Variants in GRID2 observed in about 807,000 individuals in gnomAD.
GRID2 encodes the protein glutamate receptor ionotropic, delta-2.
A neutral mutation model predicts 114.8 loss-of-function variants in GRID2; 33 were observed. The ratio of observed to expected loss-of-function variants is 0.29; its 90% CI spans 0.22 to 0.38. The LOEUF (loss-of-function observed/expected upper bound fraction) is 0.38, where lower values mean the gene tolerates loss of function less well. Ranked by LOEUF, GRID2 falls within the 10% of genes least tolerant of loss-of-function variation. The probability of loss-of-function intolerance (pLI) is 1.00; values close to 1 mark genes in which losing one functional copy is unlikely to be tolerated. For missense variants in GRID2, 1,184 were observed against 1,257.7 expected, an observed-to-expected ratio of 0.94 and a Z score of 0.89; for synonymous variants, 505 against 449.9, an observed-to-expected ratio of 1.12 and a Z score of -1.55.
intron 1 of GRID2, among the ~76,000 whole-genome samples, chr4:92,320,834 T>A (rs1221528446): frequency 6.6e-6 from 1 of 152,186 alleles, no homozygotes; most frequent in African/African-American, 2.4e-5. Context: ...TTTTTTACTA[T>A]AAGTGTACAT....
At chr4:93,227,606 A>T (rs1745643627) in intron 7 of GRID2, among the ~76,000 whole-genome samples, 1 of 152,158 alleles carries the variant, frequency 6.6e-6, no homozygotes, top group Admixed American at 6.6e-5. Flanking sequence ...TTTAATATAA[A>T]ATCTATCTTT....
At chr4:93,016,028 TG>T (rs1429437540) in intron 2 of GRID2, among the ~76,000 whole-genome samples, 22 of 148,974 alleles carry the variant, frequency 1.5e-4, no homozygotes, top group Non-Finnish European at 2.8e-4. Flanking sequence ...TAAGATAATG[TG>T]TTTTTTTTTG....
rs766470483 is a variant in GRID2 at position 92,590,159 on chromosome 4, G to T, written c.117G>T (p.Lys39Asn). 4.3e-6 allele frequency: 7 copies of T among 1,612,234 alleles called. No homozygotes were observed. In the South Asian group the frequency reaches 5.5e-5, roughly 13 times the overall value. The change falls in exon 2 of 16, where the codon AAG becomes AAT. Residue 39 changes from lysine to asparagine, a missense_variant. By Grantham distance (94) the Lys-to-Asn change is moderately conservative (BLOSUM62 0). This residue lies in a region of GRID2 where 455 missense variants were observed against 429.5 expected (regional missense o/e 1.06). Coordinates refer to ENST00000282020, the MANE Select transcript of GRID2 (RefSeq NM_001510.4). ...IGAIFDESAK[K>N]DDEVFRTAVG... ...CAATTTTTGATGAATCTGCCAAAAA[G>T]GATGATGAGGTATTTCGCACTGCGG...
At chr4:92,987,457 G>C (rs1162479084) in intron 2 of GRID2, among the ~76,000 whole-genome samples, 1 of 152,096 alleles carries the variant, frequency 6.6e-6, no homozygotes, top group Non-Finnish European at 1.5e-5. Flanking sequence ...TGGGAGGAGG[G>C]GAGAGGGATA....
At position 92,961,354 on chromosome 4, in the gene GRID2, G is replaced by T. The variant is rs951893513; in HGVS notation, c.245-123641G>T. Among the ~76,000 whole-genome samples, 4 of 149,576 alleles carry T rather than the reference G, an allele frequency of 2.7e-5. No homozygotes were observed. In the Admixed American group the frequency reaches 2.7e-4, roughly 10 times the overall value. Reference sequence around the variant, plus strand: ...TCTTTTGGGGTTTCTTGCAGGGAGGGTCTGCTGACAACACATCCCCTCAAA... The same window carrying T: ...TCTTTTGGGGTTTCTTGCAGGGAGGTTCTGCTGACAACACATCCCCTCAAA... On this transcript the variant is annotated intron_variant, in intron 2 of 15. Transcript: ENST00000282020.
intron 1 of GRID2, among the ~76,000 whole-genome samples, chr4:92,486,229 T>C (rs968622265): frequency 5.3e-4 from 81 of 151,750 alleles, no homozygotes; most frequent in African/African-American, 1.9e-3. Context: ...TGACCGGTAA[T>C]CACCTTTATC....
At chr4:92,812,987 C>T (rs2149380353) in intron 2 of GRID2, among the ~76,000 whole-genome samples, 1 of 152,218 alleles carries the variant, frequency 6.6e-6, no homozygotes, top group African/African-American at 2.4e-5. Context: ...GGACTCAATT[C>T]TGTTCCTCTG....
intron 1 of GRID2, among the ~76,000 whole-genome samples, chr4:92,469,968 T>C (rs1579420374): frequency 6.6e-6 from 1 of 151,944 alleles, no homozygotes; most frequent in Non-Finnish European, 1.5e-5. Context: ...AAGGAGGTAA[T>C]GATTTCTTGT....
At chr4:93,033,031 G>T (rs1047277894) in intron 2 of GRID2, among the ~76,000 whole-genome samples, 1 of 152,164 alleles carries the variant, frequency 6.6e-6, no homozygotes, top group Non-Finnish European at 1.5e-5. Flanking sequence ...AAGTAACACA[G>T]ATTTTTGTGT....
chr4:93,246,367 C>T (rs1748202168), intron 8 of GRID2, among the ~76,000 whole-genome samples: 1 of 152,018 alleles, frequency 6.6e-6, no homozygotes, highest in Non-Finnish European at 1.5e-5. Context: ...GCAGGTGGAT[C>T]ACGAGGTCAG....
intron 13 of GRID2, among the ~76,000 whole-genome samples, chr4:93,545,618 C>A (rs1440603303): frequency 1.3e-5 from 2 of 152,080 alleles, no homozygotes; most frequent in Non-Finnish European, 2.9e-5. Flanking sequence ...TCCATGGGAG[C>A]CGATTCTAGG....
chr4:93,559,136 C>G (rs1048308452), intron 13 of GRID2, among the ~76,000 whole-genome samples: 1 of 151,670 alleles, frequency 6.6e-6, no homozygotes. Flanking sequence ...TATGACCAAC[C>G]CATAAAACCT....
rs529868998 is a variant in GRID2, at chr4:93,061,349, A to G, written c.245-23646A>G. On this transcript the variant is annotated intron_variant, in intron 2 of 15. Transcript: ENST00000282020. ...GGCTTCACATGTCTCTTATTTGGGG[A>G]CCAGCGGCTAGATAGAACATGCTTT... 6.2e-4 allele frequency among the ~76,000 whole-genome samples: 94 copies of G among 151,752 alleles called. 1 individual carries two copies. Among genetic ancestry groups the G allele is most frequent in the African/African-American group, 2.1e-3 (89 of 41,432 alleles).
chr4:92,886,476 A>T (rs564458964), intron 2 of GRID2, among the ~76,000 whole-genome samples: 146 of 152,278 alleles, frequency 9.6e-4, no homozygotes, highest in African/African-American at 3.3e-3. Flanking sequence ...ATAAAATGAA[A>T]TATAATGAAA....
intron 4 of GRID2, among the ~76,000 whole-genome samples, chr4:93,139,974 G>A (rs1735610064): frequency 1.3e-5 from 2 of 151,992 alleles, no homozygotes; most frequent in South Asian, 4.1e-4. Context: ...GCATATAAAG[G>A]AAGAAAACCA....
At chr4:92,310,027 C>T (rs1346839200) in intron 1 of GRID2, among the ~76,000 whole-genome samples, 1 of 151,854 alleles carries the variant, frequency 6.6e-6, no homozygotes, top group African/African-American at 2.4e-5. Flanking sequence ...GACACAAATA[C>T]ATCTAAAAAT....
At chr4:92,558,122 G>A (rs1284446228) in intron 1 of GRID2, among the ~76,000 whole-genome samples, 1 of 151,996 alleles carries the variant, frequency 6.6e-6, no homozygotes, top group Non-Finnish European at 1.5e-5. Context: ...TTCCTGTGAG[G>A]GAAGGTCGAA....
At chr4:93,422,991 G>A (rs1233441672) in intron 10 of GRID2, 23 bp downstream of exon 10, 2 of 1,488,292 alleles carry the variant, frequency 1.3e-6, no homozygotes, top group Non-Finnish European at 1.9e-6. Flanking sequence ...TTATTTATTT[G>A]TCTCATACTT....
intron 1 of GRID2, among the ~76,000 whole-genome samples, chr4:92,514,544 T>G (rs1560682080): frequency 6.6e-6 from 1 of 152,008 alleles, no homozygotes; most frequent in South Asian, 2.1e-4. Context: ...CAAGTTTAAA[T>G]AGATATACTG....
Sources: allele counts gnomAD v4.1 joint callset (sites outside exome capture counted in the v4.1 genomes callset), GRCh38; gene constraint gnomAD v4.1.1; regional missense constraint gnomAD v4.1.1; transcripts MANE v1.5; gene names NCBI Gene and HGNC (gene_info 2026-07-23, HGNC 2026-07-21).